Variants in CA10 observed in about 807,000 individuals in gnomAD.
CA10 encodes the protein carbonic anhydrase 10 (inactive), also known as carbonic anhydrase-related protein 10.
CA10 carries 14 observed loss-of-function variants against 44.2 expected under a neutral mutation model. That is an observed-to-expected ratio of 0.32 (90% CI 0.21 to 0.50). CA10 has a LOEUF of 0.50. CA10 is among the 20% of genes least tolerant of loss of function. CA10 has a pLI of 0.99. For missense variants in CA10, 350 were observed against 409.7 expected (o/e 0.85, Z 1.26); for synonymous variants, 159 against 141.6 (o/e 1.12, Z -0.87).
chr17:51,839,417 T>G (rs1978300597), intron 3 of CA10, among the ~76,000 whole-genome samples: 1 of 134,490 alleles, frequency 7.4e-6, no homozygotes. Flanking sequence ...GGCATGAACC[T>G]GGGAGGCGGA....
intron 3 of CA10, among the ~76,000 whole-genome samples, chr17:51,872,875 A>G (rs974603269): frequency 2.2e-4 from 33 of 152,170 alleles, no homozygotes; most frequent in Admixed American, 5.9e-4. Context: ...ATAGCCCTCA[A>G]ACCTTCCACA....
At chr17:52,031,041 AC>A (rs1474795290) in intron 2 of CA10, among the ~76,000 whole-genome samples, 1 of 152,142 alleles carries the variant, frequency 6.6e-6, no homozygotes, top group Non-Finnish European at 1.5e-5. Flanking sequence ...ATTTATCCAT[AC>A]ATATTTTATT....
intron 2 of CA10, among the ~76,000 whole-genome samples, chr17:52,001,364 G>A (rs1157650471): frequency 6.6e-6 from 1 of 151,978 alleles, no homozygotes; most frequent in South Asian, 2.1e-4. Context: ...AAAAGAGACA[G>A]AAAGCCTATA....
chr17:51,889,836 T>C (rs757786549), intron 3 of CA10, among the ~76,000 whole-genome samples: 30 of 152,206 alleles, frequency 2.0e-4, no homozygotes, highest in Non-Finnish European at 3.5e-4. Flanking sequence ...TGACCAAAAG[T>C]GTTTTTGCTA....
chr17:51,906,119 T>C (rs1292809571), intron 3 of CA10, among the ~76,000 whole-genome samples: 1 of 152,164 alleles, frequency 6.6e-6, no homozygotes, highest in African/African-American at 2.4e-5. Flanking sequence ...TATCCTAATA[T>C]GTCCTGGATT....
intron 3 of CA10, among the ~76,000 whole-genome samples, chr17:51,901,370 G>A (rs980477562): frequency 5.3e-5 from 8 of 152,054 alleles, no homozygotes; most frequent in Non-Finnish European, 1.0e-4. Flanking sequence ...GTCCCTTGAG[G>A]TTAGAAAGCT....
intron 4 of CA10, among the ~76,000 whole-genome samples, chr17:51,736,470 C>A (rs1219470155): frequency 6.6e-6 from 1 of 152,198 alleles, no homozygotes; most frequent in Non-Finnish European, 1.5e-5. Flanking sequence ...TGCCAGGATG[C>A]TAAGTCCTGA....
At chr17:51,821,343 T>C (rs1174589888) in intron 3 of CA10, among the ~76,000 whole-genome samples, 1 of 151,672 alleles carries the variant, frequency 6.6e-6, no homozygotes, top group Admixed American at 6.6e-5. Context: ...GGAAAGTCAA[T>C]ATTGAACGAC....
intron 3 of CA10, among the ~76,000 whole-genome samples, chr17:51,920,940 T>G (rs1982206506): frequency 6.6e-6 from 1 of 152,230 alleles, no homozygotes; most frequent in Non-Finnish European, 1.5e-5. Context: ...TTCATTTTGC[T>G]CTGAATCCTT....
intron 3 of CA10, among the ~76,000 whole-genome samples, chr17:51,824,017 A>G (rs1037567009): frequency 6.6e-6 from 1 of 152,262 alleles, no homozygotes; most frequent in African/African-American, 2.4e-5. Flanking sequence ...ATGATATTTC[A>G]TATTATTTTT....
intron 2 of CA10, among the ~76,000 whole-genome samples, chr17:51,966,266 T>A (rs1247946484): frequency 1.3e-5 from 2 of 151,974 alleles, no homozygotes; most frequent in African/African-American, 4.8e-5. Flanking sequence ...TCAATATTTT[T>A]AAAATGGCCA....
intron 2 of CA10, among the ~76,000 whole-genome samples, chr17:51,984,937 C>G (rs1227015433): frequency 6.6e-6 from 1 of 151,620 alleles, no homozygotes; most frequent in African/African-American, 2.4e-5. Flanking sequence ...CTAAGACATT[C>G]AAAGGAGAGT....
intron 6 of CA10, among the ~76,000 whole-genome samples, chr17:51,641,468 G>C (rs2157831): frequency 0.67 from 101,700 of 152,018 alleles, 34,633 homozygotes; most frequent in South Asian, 0.76. Flanking sequence ...TTTTATATGA[G>C]AGTGTTGTAA....
At chr17:52,033,049 C>T (rs1212909569) in intron 2 of CA10, among the ~76,000 whole-genome samples, 1 of 152,170 alleles carries the variant, frequency 6.6e-6, no homozygotes, top group African/African-American at 2.4e-5. Context: ...ATGACTCCAA[C>T]TACAACATGG....
rs559991148 is a variant in CA10 at position 52,126,372 on chromosome 17, C to T, written c.61+31354G>A. Among the ~76,000 whole-genome samples the T allele has an allele frequency of 2.5e-4, 38 of 152,124 alleles. No individual in the cohort carries two copies. In the South Asian group the frequency reaches 7.9e-3, roughly 32 times the overall value. On this transcript the variant is annotated intron_variant, in intron 1 of 8. Transcript: ENST00000451037. The stretch of plus-strand genomic sequence containing the variant: ...TAATGCAGTGTCTATTTGCCCTTTC[C>T]AAGAGCCAACACATGAATTTTAAAA...
chr17:51,804,368 T>C (rs1907050023), intron 3 of CA10, among the ~76,000 whole-genome samples: 1 of 152,224 alleles, frequency 6.6e-6, no homozygotes, highest in Non-Finnish European at 1.5e-5. Flanking sequence ...CTTCACAGAA[T>C]GCTGCTCGCT....
chr17:51,636,415 G>A (rs1912828226), intron 6 of CA10, among the ~76,000 whole-genome samples: 2 of 152,280 alleles, frequency 1.3e-5, no homozygotes, highest in Admixed American at 6.5e-5. Context: ...CCCAGAAGTG[G>A]CACACATCAC....
Position 51,883,325 on chromosome 17 carries a change from T to TA in CA10, c.279+47664dup, listed in dbSNP as rs372140401. ...CAATGTTCTGTTATTCTTCCCAACT[T>TA]AAAAAAAATCCCCTCCTGATCACTC... On this transcript the variant is annotated intron_variant, in intron 3 of 8. Transcript: ENST00000451037. Among the ~76,000 whole-genome samples, 12 of 152,166 alleles carry TA rather than the reference T, an allele frequency of 7.9e-5. 1 individual carries two copies. Among genetic ancestry groups the TA allele is most frequent in the Admixed American group, 2.0e-4 (3 of 15,276 alleles).
chr17:51,724,303 C>T (rs553903631), intron 4 of CA10, among the ~76,000 whole-genome samples: 1 of 152,166 alleles, frequency 6.6e-6, no homozygotes, highest in South Asian at 2.1e-4. Context: ...TTTGGTTCTG[C>T]CTGCTTATTT....
Sources: allele counts gnomAD v4.1 joint callset (sites outside exome capture counted in the v4.1 genomes callset), GRCh38; gene constraint gnomAD v4.1.1; transcripts MANE v1.5; gene names NCBI Gene and HGNC (gene_info 2026-07-23, HGNC 2026-07-21).